TCP11: variants seen among roughly 807,000 people sequenced by gnomAD.
TCP11 encodes t-complex 11, also known as T-complex protein 11 homolog.
Under a neutral mutation model 45.0 loss-of-function variants are expected in TCP11, and 34 were observed. That is an observed-to-expected ratio of 0.76 (90% CI 0.57 to 1.01). The LOEUF is 1.01. Among genes scored for constraint, TCP11 ranks in the 50% least tolerant of loss-of-function variants. The pLI is 0.00. For missense variants in TCP11, 523 were observed against 598.1 expected (o/e 0.87, Z 1.31); for synonymous variants, 227 against 227.0 (o/e 1.00, Z 0.00).
intron 3 of TCP11, among the ~76,000 whole-genome samples, chr6:35,134,527 C>A (rs2127680501): frequency 6.6e-6 from 1 of 152,100 alleles, no homozygotes; most frequent in East Asian, 1.9e-4. Context: ...GATCCACCCG[C>A]CTTTGCCTCC....
chr6:35,121,857 C>T (rs556355254), intron 5 of TCP11, among the ~76,000 whole-genome samples: 1 of 152,034 alleles, frequency 6.6e-6, no homozygotes, highest in East Asian at 1.9e-4. Context: ...GTTTTAACTC[C>T]TTAAAAGAAA....
At chr6:35,134,058 G>A (rs1780764358) in intron 3 of TCP11, among the ~76,000 whole-genome samples, 3 of 152,056 alleles carry the variant, frequency 2.0e-5, no homozygotes, top group Admixed American at 2.0e-4. Context: ...ATCTGTGCCT[G>A]TTTAGTATGA....
chr6:35,120,272 G>C lies in TCP11; in HGVS notation c.1002C>G (p.Ala334=). 6.2e-7 allele frequency: 1 copy of C among 1,614,232 alleles called. No homozygotes were observed. Among genetic ancestry groups the C allele is most frequent in the East Asian group, 2.2e-5 (1 of 44,890 alleles). The change falls in exon 8 of 10, where the codon GCC becomes GCG. Residue 334 remains alanine, a synonymous_variant. Transcript: ENST00000311875. This position sits in a 1 kb window ranked among gnomAD's most constrained non-coding sequence, Gnocchi z 4.9. ...KSQLHQLTVM[A]SVLLVASSFS... is the part of the protein sequence containing the mutation. ...AACTACTGGCCACCAGCAAGACTGA[G>C]GCCATGACGGTTAACTGGTGCAACT...
At chr6:35,131,934 T>C (rs1422141815) in intron 3 of TCP11, among the ~76,000 whole-genome samples, 1 of 152,076 alleles carries the variant, frequency 6.6e-6, no homozygotes, top group African/African-American at 2.4e-5. Context: ...AATTAACTAG[T>C]CTCCCTGCCT....
Position 35,121,035 on chromosome 6 carries a change from G to A in TCP11, c.589C>T (p.Gln197Ter), listed in dbSNP as rs1287665637. 2 of 1,608,000 alleles carry A rather than the reference G, an allele frequency of 1.2e-6. No homozygotes were observed. The highest frequency in any genetic ancestry group is 3.4e-5 in the Admixed American group (2 of 59,612). The change falls in exon 6 of 10, where the codon CAG becomes TAG. Residue 197 changes from glutamine to a stop codon, truncating the protein, a stop_gained. Transcript: ENST00000311875. LOFTEE classifies it high-confidence loss of function. The part of the protein sequence containing the change: ...DPVWLLRGIF[Q>*]VLGRMKMDMV... ...TCCATTTTCATCCGGCCCAGAACCT[G>A]GAAGATCCCTCTGACACAGGGGGAA... is the stretch of plus-strand genomic sequence containing the variant.
Position 35,122,336 on chromosome 6 carries a change from A to G in TCP11, c.359T>C (p.Ile120Thr). Residue 120 changes from isoleucine to threonine, a missense_variant and splice_region_variant, in exon 5 of 10, where the codon ATC becomes ACC. Physicochemically the swap from Ile to Thr is moderately conservative, Grantham distance 89. Transcript: ENST00000311875. The part of the protein sequence containing the change: ...ALELLKEIKE[I>T]LLSLLLPRQN... ...GCGTGGTAATAGCAGTGATAGCAAG[A>G]TCTGCCCAGGAAAGAAAGTCAAAGG... The G allele has an allele frequency of 6.2e-7, 1 of 1,614,070 alleles. No homozygotes were observed. Among genetic ancestry groups the G allele is most frequent in the Non-Finnish European group, 8.5e-7 (1 of 1,179,956 alleles).
chr6:35,120,788 C>T lies in TCP11; in HGVS notation c.715+121G>A. On this transcript the variant is annotated intron_variant, in intron 6 of 9. Coordinates refer to ENST00000311875, the MANE Select transcript of TCP11 (RefSeq NM_001370687.1). This position sits in a 1 kb window ranked among gnomAD's most constrained non-coding sequence, Gnocchi z 4.9. ...CTGTCTTAGATAAATGTTCCTTCTC[C>T]CTCCCTTCACCTAATAAGCAACTTT... is the stretch of plus-strand genomic sequence containing the variant. The T allele has an allele frequency of 7.1e-7, 1 of 1,403,730 alleles. No homozygotes were observed. The allele number at this position is 1,403,730 out of a possible 1,614,324, so 87.0% of individuals were successfully genotyped here. A position where few individuals can be genotyped will look rare whatever the true frequency, so the allele number is the denominator to read the frequency against.
intron 4 of TCP11, among the ~76,000 whole-genome samples, chr6:35,126,683 G>A (rs1017539090): frequency 1.5e-5 from 2 of 135,088 alleles, no homozygotes; most frequent in African/African-American, 5.7e-5. Flanking sequence ...TTTTGAGACA[G>A]GGTTTTGCTC....
At position 35,129,094 on chromosome 6, in the gene TCP11, A is replaced by G. The variant is rs1016966105; in HGVS notation, c.325T>C (p.Cys109Arg). The change falls in exon 4 of 10, where the codon TGT becomes CGT. Residue 109 changes from cysteine (C) to arginine (R), a missense_variant. Physicochemically the swap from Cys to Arg is radical, Grantham distance 180. Coordinates refer to ENST00000311875, the MANE Select transcript of TCP11 (RefSeq NM_001370687.1). ...ATTTCTTTCAGAAGTTCAAGAGCAC[A>G]GCTGAAGTCAGGGGGAGTTGCTGAT... ...QLSATPPDFSCALELLKEIKE... is the reference protein window; with the variant it reads ...QLSATPPDFSRALELLKEIKE... The G allele has an allele frequency of 9.9e-6, 16 of 1,614,164 alleles. No homozygotes were observed. The highest frequency in any genetic ancestry group is 1.4e-5 in the Non-Finnish European group (16 of 1,180,016).
intron 1 of TCP11, 94 bp from the exon 2 acceptor site, chr6:35,140,978 G>T: frequency 7.1e-7 from 1 of 1,412,318 alleles, no homozygotes; most frequent in Non-Finnish European, 9.4e-7. Flanking sequence ...GGGGGGTAGC[G>T]GCCTCAGGGT....
intron 2 of TCP11, chr6:35,140,228 G>A (rs1270060887): frequency 4.0e-6 from 6 of 1,510,210 alleles, no homozygotes; most frequent in Non-Finnish European, 5.3e-6. Flanking sequence ...TACGTTCTCT[G>A]GAGATTAAGA....
chr6:35,130,446 A>T (rs1289445397), intron 3 of TCP11, among the ~76,000 whole-genome samples: 1 of 152,198 alleles, frequency 6.6e-6, no homozygotes, highest in African/African-American at 2.4e-5. Context: ...ATCTTTGAAA[A>T]ATATATATCT....
chr6:35,140,705 G>A (rs1393697063), intron 2 of TCP11, 42 bp downstream of exon 2: 1 of 1,420,758 alleles, frequency 7.0e-7, no homozygotes, highest in Non-Finnish European at 9.6e-7. Flanking sequence ...CCCACACTAA[G>A]CACCCCCTAG....
chr6:35,140,162 C>A, intron 2 of TCP11: 5 of 1,600,306 alleles, frequency 3.1e-6, no homozygotes, highest in Non-Finnish European at 3.4e-6. Flanking sequence ...TTTCAATAGT[C>A]AAGAATTTTA....
chr6:35,128,198 G>A (rs1187743759), intron 4 of TCP11: 1 of 152,194 alleles, frequency 6.6e-6, no homozygotes, highest in Non-Finnish European at 1.5e-5. Context: ...ACATGACTGG[G>A]AAAGATTCCG....
intron 3 of TCP11, among the ~76,000 whole-genome samples, chr6:35,134,515 G>A (rs938142934): frequency 8.6e-5 from 13 of 151,892 alleles, no homozygotes; most frequent in South Asian, 2.1e-4. Flanking sequence ...TCTTGACCTC[G>A]TGATCCACCC....
chr6:35,140,880 G>C lies in TCP11; in HGVS notation c.-10C>G. 1 of 1,573,904 alleles carries C rather than the reference G, an allele frequency of 6.4e-7. No homozygotes were observed. The highest frequency in any genetic ancestry group is 8.6e-7 in the Non-Finnish European group (1 of 1,163,480). On this transcript the variant is annotated 5_prime_UTR_variant, in exon 2 of 10. Transcript: ENST00000311875. Reference sequence around the variant, plus strand: ...CCTTGACGTCTGGCATTTTGCTGATGGTATCTGGGTGAGGGAGAAAGGCGT... The same window carrying C: ...CCTTGACGTCTGGCATTTTGCTGATCGTATCTGGGTGAGGGAGAAAGGCGT...
At position 35,118,490 on chromosome 6, in the gene TCP11, G is replaced by C. The variant is rs757381332; in HGVS notation, c.1291C>G (p.His431Asp). 8 of 1,613,796 alleles carry C rather than the reference G, an allele frequency of 5.0e-6. No individual in the cohort carries two copies. Among genetic ancestry groups the C allele is most frequent in the Non-Finnish European group, 5.9e-6 (7 of 1,179,902 alleles). The change falls in exon 10 of 10, where the codon CAT (histidine) becomes GAT (aspartate). Residue 431 changes from histidine to aspartate, a missense_variant. Coordinates refer to ENST00000311875, the MANE Select transcript of TCP11 (RefSeq NM_001370687.1). Reference sequence around the variant, plus strand: ...ACCAAACAGCATTTGAGAAACAAATGGATCCGCTGATCTGTGAGCAGGAAA... The same window carrying C: ...ACCAAACAGCATTTGAGAAACAAATCGATCCGCTGATCTGTGAGCAGGAAA... ...CVCSVIDQRIHLFLKCCLVLG... is the reference protein window; with the variant it reads ...CVCSVIDQRIDLFLKCCLVLG...
intron 2 of TCP11, among the ~76,000 whole-genome samples, chr6:35,136,482 T>C: frequency 6.8e-6 from 1 of 146,416 alleles, no homozygotes; most frequent in African/African-American, 2.7e-5. Flanking sequence ...TGAAAAACTT[T>C]TCTCTTAAAA....
Sources: allele counts gnomAD v4.1 joint callset (sites outside exome capture counted in the v4.1 genomes callset), GRCh38; gene constraint gnomAD v4.1.1; non-coding constraint Gnocchi (gnomAD v3.1); transcripts MANE v1.5; gene names NCBI Gene and HGNC (gene_info 2026-07-23, HGNC 2026-07-21).